The following GMDS variants were observed in gnomAD, a reference collection of about 807,000 sequenced individuals.
GMDS encodes the protein GDP-mannose 4,6 dehydratase.
In GMDS, 20 loss-of-function variants were observed where a neutral mutation model predicts 49.9. The ratio of observed to expected loss-of-function variants is 0.40; its 90% CI spans 0.28 to 0.58. The LOEUF (loss-of-function observed/expected upper bound fraction) is 0.58, where lower values mean the gene tolerates loss of function less well. GMDS is among the 20% of genes least tolerant of loss of function. GMDS has a pLI of 0.42. For synonymous variants in GMDS, 177 were observed against 178.6 expected (o/e 0.99, Z 0.07); for missense variants, 362 against 481.4 (o/e 0.75, Z 2.32).
intron 9 of GMDS, among the ~76,000 whole-genome samples, chr6:1,649,878 T>C (rs933796232): frequency 6.6e-6 from 1 of 152,204 alleles, no homozygotes; most frequent in Non-Finnish European, 1.5e-5. Context: ...TTTATGAGGG[T>C]GGCCAGTGCC....
intron 9 of GMDS, among the ~76,000 whole-genome samples, chr6:1,683,331 G>C (rs184960956): frequency 6.6e-6 from 1 of 152,146 alleles, no homozygotes; most frequent in South Asian, 2.1e-4. Flanking sequence ...CACCGTGTTA[G>C]CCAGGATGGT....
chr6:2,055,071 T>C (rs140251497), intron 4 of GMDS, among the ~76,000 whole-genome samples: 47 of 152,218 alleles, frequency 3.1e-4, no homozygotes, highest in Non-Finnish European at 6.3e-4. Context: ...TCGACATTGT[T>C]AAGCAGCAAA....
At chr6:1,626,217 C>T (rs979840995) in intron 9 of GMDS, 4 of 152,230 alleles carry the variant, frequency 2.6e-5, no homozygotes, top group African/African-American at 7.2e-5. Flanking sequence ...CAGCGACTCT[C>T]GCTGTCGTTC....
chr6:1,952,395 G>T (rs1291849103), intron 6 of GMDS, among the ~76,000 whole-genome samples: 1 of 152,142 alleles, frequency 6.6e-6, no homozygotes, highest in Admixed American at 6.5e-5. Flanking sequence ...TACCTGTGGA[G>T]TATTAAATCA....
intron 1 of GMDS, among the ~76,000 whole-genome samples, chr6:2,236,372 C>T (rs1298787377): frequency 6.6e-6 from 1 of 152,208 alleles, no homozygotes; most frequent in Non-Finnish European, 1.5e-5. Flanking sequence ...ACTTGTTAGC[C>T]TGCAAGTAAG....
At chr6:2,106,286 G>T (rs73716948) in intron 4 of GMDS, among the ~76,000 whole-genome samples, 2 of 152,020 alleles carry the variant, frequency 1.3e-5, no homozygotes, top group Non-Finnish European at 2.9e-5. Flanking sequence ...AAATTCTTAC[G>T]CATTACATTT....
At chr6:2,176,685 A>G (rs1304809223) in intron 1 of GMDS, among the ~76,000 whole-genome samples, 3 of 152,132 alleles carry the variant, frequency 2.0e-5, no homozygotes, top group African/African-American at 7.2e-5. Context: ...CCATATGGAG[A>G]GATCCTTCAT....
At chr6:1,798,237 GCACACACACACACA>G (rs70992103) in intron 7 of GMDS, among the ~76,000 whole-genome samples, 3,479 of 143,426 alleles carry the variant, frequency 0.024, 65 homozygotes, top group African/African-American at 0.052. Flanking sequence ...TAATTACAGA[GCACACACACACACA>G]CACACACACA....
intron 9 of GMDS, among the ~76,000 whole-genome samples, chr6:1,675,766 T>C (rs1172597998): frequency 6.6e-6 from 1 of 150,866 alleles, no homozygotes; most frequent in Non-Finnish European, 1.5e-5. Flanking sequence ...GGCAGGAGAA[T>C]GGCGTGAACT....
At chr6:2,044,912 C>G (rs146866829) in intron 4 of GMDS, among the ~76,000 whole-genome samples, 3 of 151,498 alleles carry the variant, frequency 2.0e-5, no homozygotes, top group African/African-American at 4.8e-5. Flanking sequence ...TTTTTTCAGG[C>G]CTTTGATAAC....
chr6:1,712,244 C>T (rs1002668281), intron 9 of GMDS, among the ~76,000 whole-genome samples: 4 of 152,172 alleles, frequency 2.6e-5, no homozygotes, highest in South Asian at 2.1e-4. Context: ...TGCAATACTC[C>T]GGTATCTTTG....
intron 1 of GMDS, among the ~76,000 whole-genome samples, chr6:2,218,120 T>C (rs1161373235): frequency 6.6e-6 from 1 of 152,160 alleles, no homozygotes; most frequent in East Asian, 1.9e-4. Flanking sequence ...TCCTCACTGC[T>C]TCCCCAGCAC....
At chr6:1,952,129 G>C in intron 6 of GMDS, 2 of 295,370 alleles carry the variant, frequency 6.8e-6, no homozygotes, top group Non-Finnish European at 1.0e-5. Flanking sequence ...TTTCCTCATT[G>C]CTGAAAAAAG....
At chr6:2,070,759 C>T (rs565531871) in intron 4 of GMDS, among the ~76,000 whole-genome samples, 135 of 152,258 alleles carry the variant, frequency 8.9e-4, no homozygotes, top group African/African-American at 3.1e-3. Flanking sequence ...TAAGAACCCA[C>T]GCTTACCTGC....
At chr6:1,886,321 C>G (rs1759604438) in intron 7 of GMDS, among the ~76,000 whole-genome samples, 2 of 151,980 alleles carry the variant, frequency 1.3e-5, no homozygotes, top group South Asian at 4.2e-4. Flanking sequence ...ATGAGAATGA[C>G]CAGAAATGAC....
In GMDS at chr6:1,632,186, C is replaced by T. The variant is rs1421565232; in HGVS notation, c.988-7646G>A. ...CATTCCTAGTCCAGCAGTCACAACA[C>T]TCAATAGGACAAAACCCTCTGTAGA... is the stretch of plus-strand genomic sequence containing the variant. On this transcript the variant is annotated intron_variant, in intron 9 of 10. Transcript: ENST00000380815. Among the ~76,000 whole-genome samples the T allele has an allele frequency of 2.6e-5, 4 of 152,294 alleles. No individual in the cohort carries two copies. The East Asian group carries it at 5.8e-4, about 22-fold the overall frequency.
At chr6:1,805,666 C>A (rs867298106) in intron 7 of GMDS, among the ~76,000 whole-genome samples, 2 of 152,054 alleles carry the variant, frequency 1.3e-5, no homozygotes, top group South Asian at 2.1e-4. Flanking sequence ...TGAAACAATG[C>A]CACTTTACTA....
intron 4 of GMDS, among the ~76,000 whole-genome samples, chr6:2,061,543 C>T (rs1293054972): frequency 1.3e-5 from 2 of 151,582 alleles, no homozygotes; most frequent in Non-Finnish European, 2.9e-5. Context: ...ATGGCAAAAC[C>T]CTATCTCTAC....
intron 7 of GMDS, among the ~76,000 whole-genome samples, chr6:1,840,184 G>T (rs1757096000): frequency 1.3e-5 from 2 of 152,088 alleles, no homozygotes; most frequent in African/African-American, 4.8e-5. Flanking sequence ...GCCCTCATTA[G>T]GCAATACCCA....
Sources: gnomAD v4.1 joint callset for allele counts (sites outside exome capture counted in the v4.1 genomes callset) on GRCh38, gnomAD v4.1.1 for gene constraint, MANE v1.5 for transcripts, NCBI Gene and HGNC (gene_info 2026-07-23, HGNC 2026-07-21) for gene names.